Variants in KHDRBS2 observed in about 807,000 individuals in gnomAD.
KHDRBS2 encodes KH RNA binding domain containing, signal transduction associated 2, also known as KH domain-containing, RNA-binding, signal transduction-associated protein 2.
A neutral mutation model predicts 44.3 loss-of-function variants in KHDRBS2; 26 were observed. The observed-to-expected ratio is 0.59, with a 90% CI of 0.43 to 0.81. The LOEUF (loss-of-function observed/expected upper bound fraction) is 0.81, where lower values mean the gene tolerates loss of function less well. Ranked by LOEUF, KHDRBS2 falls within the 40% of genes least tolerant of loss-of-function variation. The pLI, the probability that KHDRBS2 is intolerant of heterozygous loss-of-function variation, is 0.00. For missense variants in KHDRBS2, 476 were observed against 433.1 expected (o/e 1.10, Z -0.88); for synonymous variants, 194 against 151.1 (o/e 1.28, Z -2.08).
At chr6:62,142,720 T>C (rs1206043495) in intron 2 of KHDRBS2, among the ~76,000 whole-genome samples, 1 of 151,948 alleles carries the variant, frequency 6.6e-6, no homozygotes, top group Admixed American at 6.6e-5. Context: ...ATCAGCTATA[T>C]GTGTATACTT....
chr6:61,955,936 G>T (rs890842653), intron 4 of KHDRBS2, among the ~76,000 whole-genome samples: 1 of 152,080 alleles, frequency 6.6e-6, no homozygotes, highest in Non-Finnish European at 1.5e-5. Flanking sequence ...CAGCTAGTAA[G>T]CAAAGGAGCA....
intron 2 of KHDRBS2, among the ~76,000 whole-genome samples, chr6:62,050,456 A>C (rs1163282954): frequency 1.3e-5 from 2 of 151,974 alleles, no homozygotes; most frequent in African/African-American, 4.8e-5. Context: ...GTGAGAAAAA[A>C]AAGCCCTACT....
chr6:61,939,088 T>G (rs754060264), intron 4 of KHDRBS2, among the ~76,000 whole-genome samples: 1 of 151,812 alleles, frequency 6.6e-6, no homozygotes, highest in Non-Finnish European at 1.5e-5. Flanking sequence ...TAAAAGATGC[T>G]GCTAACATAG....
At chr6:62,235,374 C>A (rs1250091457) in intron 1 of KHDRBS2, among the ~76,000 whole-genome samples, 1 of 151,950 alleles carries the variant, frequency 6.6e-6, no homozygotes, top group South Asian at 2.1e-4. Context: ...TCTAACCCAC[C>A]TATTTACCAG....
intron 2 of KHDRBS2, among the ~76,000 whole-genome samples, chr6:62,113,685 G>C (rs1805553090): frequency 2.0e-5 from 3 of 152,074 alleles, no homozygotes; most frequent in Admixed American, 2.0e-4. Flanking sequence ...AAAATATCTT[G>C]AATATTTGCT....
chr6:61,944,111 T>G (rs1156293108), intron 4 of KHDRBS2, among the ~76,000 whole-genome samples: 1 of 152,132 alleles, frequency 6.6e-6, no homozygotes, highest in East Asian at 1.9e-4. Context: ...CTGTGGAGAT[T>G]TCTCAAAACA....
chr6:61,778,097 C>G (rs1782383003), intron 6 of KHDRBS2, among the ~76,000 whole-genome samples: 1 of 152,096 alleles, frequency 6.6e-6, no homozygotes. Flanking sequence ...CCAGAGCAAT[C>G]AGGCAAGAAA....
At chr6:61,604,811 G>A in the KHDRBS2 span, among the ~76,000 whole-genome samples, 1 of 152,068 alleles carries the variant, frequency 6.6e-6, no homozygotes, top group Non-Finnish European at 1.5e-5. Flanking sequence ...ATGTGTAGAG[G>A]CCTATCCCAC....
At chr6:62,025,636 T>C (rs893071201) in intron 3 of KHDRBS2, among the ~76,000 whole-genome samples, 2 of 152,046 alleles carry the variant, frequency 1.3e-5, no homozygotes, top group African/African-American at 4.8e-5. Context: ...TTCCAATTTT[T>C]TTTAATACTT....
At chr6:61,955,190 G>A (rs569213727) in intron 4 of KHDRBS2, among the ~76,000 whole-genome samples, 3 of 142,756 alleles carry the variant, frequency 2.1e-5, no homozygotes, top group Non-Finnish European at 4.6e-5. Flanking sequence ...ACATACGTTT[G>A]TATGTATACA....
At chr6:62,188,744 G>A (rs761556010) in intron 1 of KHDRBS2, among the ~76,000 whole-genome samples, 7 of 152,134 alleles carry the variant, frequency 4.6e-5, no homozygotes, top group Non-Finnish European at 1.0e-4. Flanking sequence ...GTGGGAGAAA[G>A]GGACAGAAAG....
intron 6 of KHDRBS2, among the ~76,000 whole-genome samples, chr6:61,878,401 G>T (rs547365647): frequency 6.6e-6 from 1 of 151,784 alleles, no homozygotes; most frequent in Non-Finnish European, 1.5e-5. Context: ...TTCACTTATA[G>T]TCCAGGTAGA....
intron 7 of KHDRBS2, among the ~76,000 whole-genome samples, chr6:61,723,404 T>C (rs1207829005): frequency 2.0e-5 from 3 of 152,032 alleles, no homozygotes; most frequent in Admixed American, 1.3e-4. Flanking sequence ...TTGACAGAAG[T>C]AGACTTCAGA....
At chr6:61,870,783 CCTGA>C (rs151028800) in intron 6 of KHDRBS2, among the ~76,000 whole-genome samples, 23,489 of 152,032 alleles carry the variant, frequency 0.15, 2,399 homozygotes, top group South Asian at 0.23. Flanking sequence ...AGCAGAGGGG[CCTGA>C]CTATTAGAAG....
Position 62,286,160 on chromosome 6 carries a change from C to G in KHDRBS2, c.-212G>C. The G allele has an allele frequency of 3.6e-6, 2 of 552,658 alleles. No individual in the cohort carries two copies. Among genetic ancestry groups the G allele is most frequent in the Non-Finnish European group, 3.2e-6 (1 of 317,102 alleles). 34.2% of individuals were successfully genotyped at this position (552,658 alleles called of 1,614,324 possible). On this transcript the variant is annotated 5_prime_UTR_variant, in exon 1 of 9. Transcript: ENST00000281156. Reference sequence around the variant, plus strand: ...GCCCACACCTGCCCGTCCCTTCCGTCGTCCCTCGCTCGCGCAGAGCCCCGG... The same window carrying G: ...GCCCACACCTGCCCGTCCCTTCCGTGGTCCCTCGCTCGCGCAGAGCCCCGG...
chr6:61,734,222 C>T (rs563800919), intron 6 of KHDRBS2, among the ~76,000 whole-genome samples: 1 of 152,116 alleles, frequency 6.6e-6, no homozygotes, highest in South Asian at 2.1e-4. Context: ...TATATTTTTG[C>T]TCTGCAGTAT....
chr6:61,773,187 C>G (rs1378069899), intron 6 of KHDRBS2, among the ~76,000 whole-genome samples: 1 of 152,046 alleles, frequency 6.6e-6, no homozygotes, highest in Non-Finnish European at 1.5e-5. Context: ...AATGGTATTT[C>G]TAGTTCTAGA....
chr6:62,193,036 A>G (rs73760318), intron 1 of KHDRBS2, among the ~76,000 whole-genome samples: 1,562 of 152,234 alleles, frequency 0.01, 32 homozygotes, highest in African/African-American at 0.035. Flanking sequence ...CATCTCCCTT[A>G]GCATCAATAT....
chr6:61,840,415 T>C (rs187235994), intron 6 of KHDRBS2, among the ~76,000 whole-genome samples: 12 of 152,228 alleles, frequency 7.9e-5, no homozygotes, highest in Non-Finnish European at 1.2e-4. Flanking sequence ...ATAATATAAA[T>C]AATGACTAAA....
Sources: allele counts gnomAD v4.1 joint callset (sites outside exome capture counted in the v4.1 genomes callset), GRCh38; gene constraint gnomAD v4.1.1; transcripts MANE v1.5; gene names NCBI Gene and HGNC (gene_info 2026-07-23, HGNC 2026-07-21).